The following PDE1C variants were observed in gnomAD, a reference collection of about 807,000 sequenced individuals.
The protein encoded by PDE1C is phosphodiesterase 1C.
In PDE1C, 62 loss-of-function variants were observed where a neutral mutation model predicts 93.1. The observed-to-expected ratio is 0.67, with a 90% CI of 0.54 to 0.82. The LOEUF (loss-of-function observed/expected upper bound fraction) is 0.82. Among genes scored for constraint, PDE1C ranks in the 40% least tolerant of loss-of-function variants. The probability of loss-of-function intolerance (pLI) is 0.00; values close to 1 mark genes in which losing one functional copy is unlikely to be tolerated. For synonymous variants in PDE1C, 325 were observed against 310.1 expected (o/e 1.05, Z -0.50); for missense variants, 742 against 884.6 (o/e 0.84, Z 2.04).
chr7:31,658,259 A>T, the PDE1C span: 14 of 1,491,364 alleles, frequency 9.4e-6, no homozygotes, highest in South Asian at 1.3e-5. Flanking sequence ...TTTAACACAT[A>T]TTCTCTTATA....
At chr7:31,777,184 G>A (rs1783052751) in intron 16 of PDE1C, among the ~76,000 whole-genome samples, 1 of 151,628 alleles carries the variant, frequency 6.6e-6, no homozygotes, top group Non-Finnish European at 1.5e-5. Flanking sequence ...AAAAGAAAAA[G>A]AATCTGAAGA....
At chr7:31,643,389 T>A in the PDE1C span, 49 of 1,613,836 alleles carry the variant, frequency 3.0e-5, no homozygotes, top group Non-Finnish European at 4.2e-5. Context: ...TGCCTGGAGA[T>A]CCTGCCCAGG....
intron 3 of PDE1C, among the ~76,000 whole-genome samples, chr7:32,084,595 G>C (rs1054192572): frequency 1.3e-5 from 2 of 151,818 alleles, no homozygotes; most frequent in Admixed American, 6.6e-5. Context: ...TGCACACATA[G>C]TTGGAAGTAA....
intron 17 of PDE1C, 100 bp downstream of exon 17, chr7:31,775,564 T>C (rs1428992735): frequency 9.5e-6 from 9 of 943,930 alleles, no homozygotes; most frequent in East Asian, 2.6e-5. Context: ...ACTGGATAAC[T>C]ATGGGGCCAT....
chr7:32,329,049 C>T (rs554141865), intron 1 of PDE1C, among the ~76,000 whole-genome samples: 1 of 152,014 alleles, frequency 6.6e-6, no homozygotes, highest in Non-Finnish European at 1.5e-5. Context: ...CTGGGCAACA[C>T]GGCAAAACCT....
intron 3 of PDE1C, chr7:32,077,812 A>C (rs1355204579): frequency 1.1e-6 from 1 of 950,998 alleles, no homozygotes; most frequent in Non-Finnish European, 1.3e-6. Context: ...TTCAGGATCC[A>C]CCTGCCTCGG....
intron 11 of PDE1C, among the ~76,000 whole-genome samples, chr7:31,836,390 G>C (rs918558914): frequency 1.3e-5 from 2 of 151,876 alleles, no homozygotes; most frequent in African/African-American, 4.8e-5. Context: ...GCTGGAGTAC[G>C]GCAGTGCGAT....
At position 32,051,179 on chromosome 7, in the gene PDE1C, A is replaced by G. The variant is rs370665743; in HGVS notation, c.128+375T>C. ...CAAATCAGGCAAAGGATATTCTGAG[A>G]CAAAGGAGAATTCAGACACTAAACA... On this transcript the variant is annotated intron_variant, in intron 2 of 17. Coordinates refer to ENST00000396191, the MANE Select transcript of PDE1C (RefSeq NM_001191057.4). 8.5e-5 allele frequency among the ~76,000 whole-genome samples: 13 copies of G among 152,330 alleles called. 3 individuals are homozygous for G. The highest frequency in any genetic ancestry group is 6.5e-5 in the Admixed American group (1 of 15,302).
intron 2 of PDE1C, among the ~76,000 whole-genome samples, chr7:31,969,752 T>C (rs1251299321): frequency 6.6e-6 from 1 of 152,100 alleles, no homozygotes; most frequent in Admixed American, 6.5e-5. Context: ...CAAATGCCCA[T>C]CAATGATAGA....
intron 2 of PDE1C, among the ~76,000 whole-genome samples, chr7:32,190,846 T>C (rs1804186597): frequency 6.6e-6 from 1 of 152,300 alleles, no homozygotes; most frequent in Non-Finnish European, 1.5e-5. Context: ...GTAATTAATT[T>C]TATCCTGGGG....
chr7:32,088,033 A>G (rs937111780), intron 3 of PDE1C, among the ~76,000 whole-genome samples: 1 of 96,276 alleles, frequency 1.0e-5, no homozygotes, highest in African/African-American at 3.6e-5. Context: ...AAAATAAAAA[A>G]AAGAAAATGT....
At chr7:32,232,456 A>T (rs1050299403) in intron 1 of PDE1C, among the ~76,000 whole-genome samples, 1 of 152,076 alleles carries the variant, frequency 6.6e-6, no homozygotes, top group Non-Finnish European at 1.5e-5. Context: ...AGTGGAGTAA[A>T]CCCCCATTGC....
intron 2 of PDE1C, among the ~76,000 whole-genome samples, chr7:31,964,245 G>A (rs1041393104): frequency 7.9e-5 from 12 of 152,184 alleles, no homozygotes; most frequent in African/African-American, 2.9e-4. Context: ...GGAAAATGGG[G>A]TCACTCCCAC....
At chr7:31,894,846 G>A (rs1799077761) in intron 2 of PDE1C, among the ~76,000 whole-genome samples, 1 of 152,112 alleles carries the variant, frequency 6.6e-6, no homozygotes, top group Non-Finnish European at 1.5e-5. Flanking sequence ...AGGGAGCAGT[G>A]GAAAGAGGAA....
the PDE1C span, among the ~76,000 whole-genome samples, chr7:31,622,421 T>G: frequency 1.3e-5 from 2 of 151,710 alleles, no homozygotes; most frequent in Non-Finnish European, 2.9e-5. Context: ...CAGACCACAG[T>G]GCAATCAAAC....
chr7:32,054,522 A>G (rs967309553), intron 1 of PDE1C, among the ~76,000 whole-genome samples: 1 of 152,100 alleles, frequency 6.6e-6, no homozygotes, highest in Non-Finnish European at 1.5e-5. Context: ...GCATCTCTAT[A>G]TCTATCCCAA....
intron 1 of PDE1C, among the ~76,000 whole-genome samples, chr7:32,400,510 C>A (rs191217240): frequency 6.6e-6 from 1 of 152,322 alleles, no homozygotes. Context: ...ATTTCTAGAA[C>A]AAAGTATTTA....
intron 1 of PDE1C, among the ~76,000 whole-genome samples, chr7:32,321,437 C>A (rs1443515107): frequency 6.6e-6 from 1 of 152,210 alleles, no homozygotes; most frequent in Non-Finnish European, 1.5e-5. Context: ...ATGTTAATTT[C>A]TCCAGCATGC....
intron 2 of PDE1C, among the ~76,000 whole-genome samples, chr7:31,973,291 T>C (rs1356075442): frequency 6.6e-6 from 1 of 152,092 alleles, no homozygotes; most frequent in Non-Finnish European, 1.5e-5. Context: ...GCTGAAAACA[T>C]ATTCATAAAA....
Sources: allele counts gnomAD v4.1 joint callset (sites outside exome capture counted in the v4.1 genomes callset), GRCh38; gene constraint gnomAD v4.1.1; transcripts MANE v1.5; gene names NCBI Gene and HGNC (gene_info 2026-07-23, HGNC 2026-07-21).